GON4L: variants seen among roughly 807,000 people sequenced by gnomAD.
The protein encoded by GON4L is gon-4 like, also known as GON-4-like protein.
GON4L carries 87 observed loss-of-function variants against 211.8 expected under a neutral mutation model. That is an observed-to-expected ratio of 0.41 (90% CI 0.35 to 0.49). The LOEUF is 0.49. Ranked by LOEUF, GON4L falls within the 20% of genes least tolerant of loss-of-function variation. The pLI, the probability that GON4L is intolerant of heterozygous loss-of-function variation, is 0.15. For synonymous variants in GON4L, 875 were observed against 962.6 expected (o/e 0.91, Z 1.68); for missense variants, 2,155 against 2,659.5 (o/e 0.81, Z 4.17).
rs535353839 is a variant in GON4L at position 155,841,009 on chromosome 1, T to A, written c.505+12267A>T. Among the ~76,000 whole-genome samples, 3 of 152,280 alleles carry A rather than the reference T, an allele frequency of 2.0e-5. No homozygotes were observed. The East Asian group carries it at 5.8e-4, about 29-fold the overall frequency. On this transcript the variant is annotated intron_variant, in intron 2 of 31. Coordinates refer to ENST00000368331, the MANE Select transcript of GON4L (RefSeq NM_001282860.2). The stretch of plus-strand genomic sequence containing the variant: ...AAGATCATGCCATGGCACTCCGGCC[T>A]GGGCAACAAGAGTGAAACTCAGTCT...
downstream of GON4L, chr1:155,748,545 T>C (rs1195947490): frequency 6.2e-7 from 1 of 1,613,888 alleles, no homozygotes; most frequent in South Asian, 1.1e-5. Context: ...TGAAGCTTTG[T>C]GAGGGGTTGG....
chr1:155,799,928 C>A (rs560482754), intron 11 of GON4L, among the ~76,000 whole-genome samples: 1 of 152,346 alleles, frequency 6.6e-6, no homozygotes, highest in South Asian at 2.1e-4. Flanking sequence ...AGGCTAGGAG[C>A]AGTGGCTCAT....
At chr1:155,854,881 C>CA (rs1672129648) in intron 1 of GON4L, among the ~76,000 whole-genome samples, 1 of 151,894 alleles carries the variant, frequency 6.6e-6, no homozygotes, top group South Asian at 2.1e-4. Context: ...ACTAAAAATA[C>CA]AAAATTAGCC....
intron 5 of GON4L, 30 bp from the exon 6 acceptor site, chr1:155,820,686 T>A: frequency 6.5e-7 from 1 of 1,532,254 alleles, no homozygotes; most frequent in Middle Eastern, 1.7e-4. Context: ...AAGGAAATCC[T>A]CAATAAAAAT....
At chr1:155,834,998 C>T (rs1412584307) in intron 2 of GON4L, among the ~76,000 whole-genome samples, 1 of 151,986 alleles carries the variant, frequency 6.6e-6, no homozygotes, top group East Asian at 1.9e-4. Context: ...TCATTGAGAA[C>T]GGGCCATGAT....
intron 11 of GON4L, among the ~76,000 whole-genome samples, chr1:155,801,725 A>G (rs1666684713): frequency 6.6e-6 from 1 of 152,108 alleles, no homozygotes; most frequent in African/African-American, 2.4e-5. Context: ...TCTACTAAAA[A>G]TACAAAGATT....
rs1425356892 is a variant in GON4L, at chr1:155,752,092, C to A, written c.6341G>T (p.Gly2114Val). 1.2e-6 allele frequency: 2 copies of A among 1,613,700 alleles called. No homozygotes were observed. The highest frequency in any genetic ancestry group is 1.7e-6 in the Non-Finnish European group (2 of 1,179,666). The change falls in exon 30 of 32, where the codon GGT becomes GTT. Residue 2114 changes from glycine (G) to valine (V), a missense_variant. This residue lies in a region of GON4L where 186 missense variants were observed against 308.1 expected (regional missense o/e 0.60). Transcript: ENST00000368331. ...CTGTGTTCCACTGTCTTTAGCCAAA[C>A]CCCCTCTAGGGGCTTTGGGAGAAGT... ...SETSPKAPRG[G>V]LAKDSGTQAK... is the part of the protein sequence containing the mutation.
Position 155,763,302 on chromosome 1 carries a change from C to T in GON4L, c.4726+10G>A. On this transcript the variant is annotated intron_variant, in intron 22 of 31. Transcript: ENST00000368331. ...AGAATGGTCCTTCAGTATAGGTTTG[C>T]CTAGCTCACCTGGTGGAGTTCTGCT... 8 of 1,613,586 alleles carry T rather than the reference C, an allele frequency of 5.0e-6. No individual in the cohort carries two copies. Among genetic ancestry groups the T allele is most frequent in the Non-Finnish European group, 6.8e-6 (8 of 1,179,588 alleles).
chr1:155,771,132 C>A lies in GON4L; in HGVS notation c.2581G>T (p.Ala861Ser). The change falls in exon 19 of 32, where the codon GCC becomes TCC. Residue 861 changes from alanine to serine, a missense_variant. By Grantham distance (99) the Ala-to-Ser change is moderately conservative. Transcript: ENST00000368331. ...TTGATTCTCACTGTCAGTTGGTGGG[C>A]AGTTTTGCAGGTTAGAAGGTACTTG... ...ISKYLLTCKTAHQLTVRIKNL... is the reference protein window; with the variant it reads ...ISKYLLTCKTSHQLTVRIKNL... The A allele has an allele frequency of 1.9e-6, 3 of 1,614,120 alleles. No homozygotes were observed. The highest frequency in any genetic ancestry group is 2.5e-6 in the Non-Finnish European group (3 of 1,180,008).
Position 155,765,089 on chromosome 1 carries a change from C to T in GON4L, c.4384G>A (p.Glu1462Lys). 1 of 1,614,198 alleles carries T rather than the reference C, an allele frequency of 6.2e-7. No individual in the cohort carries two copies. The highest frequency in any genetic ancestry group is 8.5e-7 in the Non-Finnish European group (1 of 1,180,038). ...GEKNGPEEEE[E>K]EDFDDLTQDE... ...TGGGTGAGGTCATCAAAGTCCTCTT[C>T]TTCCTCTTCTTCTGGCCCATTCTTC... The change falls in exon 21 of 32, where the codon GAA (glutamate) becomes AAA (lysine). Residue 1462 changes from glutamate (E) to lysine (K), a missense_variant. Physicochemically the swap from Glu to Lys is moderately conservative, Grantham distance 56 (BLOSUM62 1). Transcript: ENST00000368331.
intron 10 of GON4L, among the ~76,000 whole-genome samples, chr1:155,807,658 C>T (rs1432593594): frequency 8.4e-6 from 1 of 119,626 alleles, no homozygotes; most frequent in East Asian, 2.8e-4. Context: ...GAGCCGAGAT[C>T]GCACTACTGC....
intron 2 of GON4L, among the ~76,000 whole-genome samples, chr1:155,827,229 G>A (rs2102304555): frequency 6.6e-6 from 1 of 152,254 alleles, no homozygotes; most frequent in South Asian, 2.1e-4. Context: ...CTAGGTAATT[G>A]CTGAGGTCTT....
intron 2 of GON4L, among the ~76,000 whole-genome samples, chr1:155,830,314 G>A (rs1278694055): frequency 1.3e-5 from 2 of 149,688 alleles, no homozygotes; most frequent in African/African-American, 2.5e-5. Context: ...TTCCATTCTT[G>A]TTGCCTAAGC....
intron 10 of GON4L, among the ~76,000 whole-genome samples, chr1:155,812,826 G>A (rs1667915559): frequency 6.6e-6 from 1 of 152,054 alleles, no homozygotes; most frequent in South Asian, 2.1e-4. Context: ...CAAAGTGCTA[G>A]GATTACAGGC....
Position 155,816,265 on chromosome 1 carries a change from A to C in GON4L, c.1015-3T>G. 1 of 1,229,348 alleles carries C rather than the reference A, an allele frequency of 8.1e-7. No individual in the cohort carries two copies. The highest frequency in any genetic ancestry group is 2.3e-5 in the East Asian group (1 of 43,088). The allele number at this position is 1,229,348 out of a possible 1,614,324, so 76.2% of individuals were successfully genotyped here. A position where few individuals can be genotyped will look rare whatever the true frequency, so the allele number is the denominator to read the frequency against. On this transcript the variant is annotated splice_region_variant and splice_polypyrimidine_tract_variant and intron_variant, in intron 6 of 31. Transcript: ENST00000368331. ...GAAATATTCCATGTTGGAATTACCT[A>C]CCAACAAAGAATATAAATAATTAAG...
intron 10 of GON4L, among the ~76,000 whole-genome samples, chr1:155,805,449 T>C (rs1008763630): frequency 6.6e-6 from 1 of 152,156 alleles, no homozygotes; most frequent in African/African-American, 2.4e-5. Context: ...TATACAACCA[T>C]CACCATTATC....
intron 2 of GON4L, among the ~76,000 whole-genome samples, chr1:155,847,486 G>C (rs1671356574): frequency 6.6e-6 from 1 of 152,156 alleles, no homozygotes; most frequent in African/African-American, 2.4e-5. Context: ...GGCAGATCAT[G>C]AGGTCAGGAG....
At chr1:155,745,794 G>C, downstream of GON4L, 1 of 631,074 alleles carries the variant, frequency 1.6e-6, no homozygotes, top group Non-Finnish European at 2.8e-6. Context: ...CGAGCGGCGC[G>C]GCTGAGGCGC....
At chr1:155,768,953 A>C (rs1371004206) in intron 19 of GON4L, among the ~76,000 whole-genome samples, 1 of 152,032 alleles carries the variant, frequency 6.6e-6, no homozygotes, top group Non-Finnish European at 1.5e-5. Flanking sequence ...TTTTCTGTGC[A>C]CATCTTTGTA....
Sources: allele counts gnomAD v4.1 joint callset (sites outside exome capture counted in the v4.1 genomes callset), GRCh38; gene constraint gnomAD v4.1.1; regional missense constraint gnomAD v4.1.1; transcripts MANE v1.5; gene names NCBI Gene and HGNC (gene_info 2026-07-23, HGNC 2026-07-21).